Variants in TSPAN5 observed in about 807,000 individuals in gnomAD.
TSPAN5 encodes the protein tetraspanin 5, also known as tetraspanin-5.
TSPAN5 carries 10 observed loss-of-function variants against 37.1 expected under a neutral mutation model. That is an observed-to-expected ratio of 0.27 (90% CI 0.17 to 0.46). The LOEUF is 0.46. TSPAN5 is among the 20% of genes least tolerant of loss of function. TSPAN5 has a pLI of 1.00. For missense variants in TSPAN5, 195 were observed against 326.6 expected (o/e 0.60, Z 3.11); for synonymous variants, 110 against 118.9 (o/e 0.93, Z 0.48).
At chr4:98,651,803 A>G (rs1001174984) in intron 1 of TSPAN5, among the ~76,000 whole-genome samples, 7 of 151,768 alleles carry the variant, frequency 4.6e-5, no homozygotes, top group African/African-American at 7.3e-5. Context: ...CTGACTAGGA[A>G]GTTAGAGGAG....
At chr4:98,531,806 T>C (rs1338846925) in intron 1 of TSPAN5, among the ~76,000 whole-genome samples, 1 of 152,250 alleles carries the variant, frequency 6.6e-6, no homozygotes, top group African/African-American at 2.4e-5. Flanking sequence ...TGTGGTCTAA[T>C]GACCAATAAT....
intron 3 of TSPAN5, chr4:98,485,539 C>T (rs1308064782): frequency 6.6e-6 from 1 of 152,122 alleles, no homozygotes; most frequent in African/African-American, 2.4e-5. Flanking sequence ...CCAGGTACCC[C>T]TCGGTTCTCC....
chr4:98,576,174 T>C (rs1014935617), intron 1 of TSPAN5, among the ~76,000 whole-genome samples: 22 of 150,196 alleles, frequency 1.5e-4, no homozygotes, highest in Admixed American at 1.5e-3. Context: ...ACAAGAAAAT[T>C]AAAAAAAAAA....
chr4:98,613,072 T>C (rs1756237413), intron 1 of TSPAN5, among the ~76,000 whole-genome samples: 1 of 152,086 alleles, frequency 6.6e-6, no homozygotes, highest in African/African-American at 2.4e-5. Context: ...TTCACCATTT[T>C]AGATGGGTGC....
chr4:98,653,947 A>C (rs2110294644), intron 1 of TSPAN5, among the ~76,000 whole-genome samples: 1 of 152,304 alleles, frequency 6.6e-6, no homozygotes, highest in East Asian at 1.9e-4. Flanking sequence ...GAGTGCTCTA[A>C]CCAATGGAAT....
At chr4:98,625,142 GTAGT>G (rs1455716543) in intron 1 of TSPAN5, among the ~76,000 whole-genome samples, 2 of 152,236 alleles carry the variant, frequency 1.3e-5, no homozygotes, top group Admixed American at 6.5e-5. Context: ...CCTATGGGCA[GTAGT>G]TATTTATGCC....
At chr4:98,633,231 T>C (rs1293437773) in intron 1 of TSPAN5, among the ~76,000 whole-genome samples, 1 of 152,184 alleles carries the variant, frequency 6.6e-6, no homozygotes, top group Non-Finnish European at 1.5e-5. Context: ...GTAATCTCCT[T>C]AGTACAGCAT....
chr4:98,604,869 G>C (rs1755968464), intron 1 of TSPAN5, among the ~76,000 whole-genome samples: 1 of 152,154 alleles, frequency 6.6e-6, no homozygotes, highest in Non-Finnish European at 1.5e-5. Context: ...ACCAAGGCTT[G>C]GAGATGTTAT....
chr4:98,475,298 C>G (rs1404144426), intron 7 of TSPAN5, among the ~76,000 whole-genome samples: 1 of 152,144 alleles, frequency 6.6e-6, no homozygotes, highest in Non-Finnish European at 1.5e-5. Context: ...ATTGTGAACA[C>G]AGGATATCTT....
intron 2 of TSPAN5, among the ~76,000 whole-genome samples, chr4:98,488,668 A>G (rs1246942676): frequency 6.6e-6 from 1 of 152,084 alleles, no homozygotes; most frequent in Non-Finnish European, 1.5e-5. Context: ...ACTCCGGGGG[A>G]AAAGGTTGAA....
rs1754089916 is a variant in TSPAN5, at chr4:98,531,538, G to A, written c.82-23810C>T. On this transcript the variant is annotated intron_variant, in intron 1 of 7. Coordinates refer to ENST00000305798, the MANE Select transcript of TSPAN5 (RefSeq NM_005723.4). ...AGTGCTGCAATAAACATACATACAT[G>A]TGTCTTTATAGAATGATTTATAATC... is the stretch of plus-strand genomic sequence containing the variant. Among the ~76,000 whole-genome samples, 3 of 152,024 alleles carry A rather than the reference G, an allele frequency of 2.0e-5. No homozygotes were observed. In the South Asian group the frequency reaches 6.2e-4, roughly 32 times the overall value.
In TSPAN5 at chr4:98,626,114, T is replaced by C. The variant is rs188239395; in HGVS notation, c.81+32032A>G. ...TGGGGCTGGCTGTTGACAACACAGG[T>C]GAGATCTAATGAATGCTGGTTTCCC... is the stretch of plus-strand genomic sequence containing the variant. On this transcript the variant is annotated intron_variant, in intron 1 of 7. Coordinates refer to ENST00000305798, the MANE Select transcript of TSPAN5 (RefSeq NM_005723.4). Among the ~76,000 whole-genome samples the C allele has an allele frequency of 1.6e-3, 249 of 152,296 alleles. 1 individual carries two copies. The highest frequency in any genetic ancestry group is 3.1e-3 in the Non-Finnish European group (214 of 68,016).
At chr4:98,633,542 C>A (rs1756792012) in intron 1 of TSPAN5, among the ~76,000 whole-genome samples, 1 of 152,038 alleles carries the variant, frequency 6.6e-6, no homozygotes, top group Non-Finnish European at 1.5e-5. Context: ...CATATCTGAC[C>A]CCTATTTATT....
At chr4:98,601,540 A>G (rs1055659435) in intron 1 of TSPAN5, among the ~76,000 whole-genome samples, 4 of 152,170 alleles carry the variant, frequency 2.6e-5, no homozygotes, top group East Asian at 1.9e-4. Context: ...TTTCTTCTGT[A>G]GTTTTTTTCT....
chr4:98,558,997 A>C (rs1251922218), intron 1 of TSPAN5, among the ~76,000 whole-genome samples: 2 of 152,118 alleles, frequency 1.3e-5, no homozygotes, highest in African/African-American at 4.8e-5. Flanking sequence ...AGAAGAAATA[A>C]CTCCCTTCAG....
chr4:98,590,995 C>G (rs1168790067), intron 1 of TSPAN5, among the ~76,000 whole-genome samples: 1 of 152,088 alleles, frequency 6.6e-6, no homozygotes, highest in Non-Finnish European at 1.5e-5. Context: ...AAACCAACTT[C>G]CCTAACTCTT....
At chr4:98,513,501 G>A (rs566444242) in intron 1 of TSPAN5, among the ~76,000 whole-genome samples, 12 of 152,200 alleles carry the variant, frequency 7.9e-5, no homozygotes, top group African/African-American at 2.4e-4. Flanking sequence ...ACGGTGAAAC[G>A]GTCGGAATTG....
At chr4:98,551,151 C>G (rs1044069481) in intron 1 of TSPAN5, among the ~76,000 whole-genome samples, 5 of 152,194 alleles carry the variant, frequency 3.3e-5, no homozygotes, top group Non-Finnish European at 5.9e-5. Flanking sequence ...TGTTTTTGTC[C>G]TTAATTCTGT....
intron 1 of TSPAN5, among the ~76,000 whole-genome samples, chr4:98,568,491 G>A (rs76433377): frequency 0.017 from 2,594 of 152,082 alleles, 40 homozygotes; most frequent in Non-Finnish European, 0.026. Context: ...GCAGTGACCC[G>A]AGATCACTCC....
Sources: allele counts gnomAD v4.1 joint callset (sites outside exome capture counted in the v4.1 genomes callset), GRCh38; gene constraint gnomAD v4.1.1; transcripts MANE v1.5; gene names NCBI Gene and HGNC (gene_info 2026-07-23, HGNC 2026-07-21).